ALDH2: variants seen among roughly 807,000 people sequenced by gnomAD.
ALDH2 encodes the protein aldehyde dehydrogenase, mitochondrial.
A neutral mutation model predicts 59.6 loss-of-function variants in ALDH2; 44 were observed. That is an observed-to-expected ratio of 0.74 (90% confidence interval 0.58 to 0.95). ALDH2 has a LOEUF of 0.95. ALDH2 is among the 40% of genes least tolerant of loss of function. The pLI is 0.00. For missense variants in ALDH2, 570 were observed against 696.3 expected (o/e 0.82, Z 2.04); for synonymous variants, 291 against 284.0 (o/e 1.02, Z -0.25).
chr12:111,804,754 AAAAAAAAAGAAAAGAAAAAAG>A (rs1645824806), intron 12 of ALDH2, among the ~76,000 whole-genome samples: 1 of 151,960 alleles, frequency 6.6e-6, no homozygotes, highest in Admixed American at 6.5e-5. Context: ...CTCAAAAAAA[AAAAAAAAAGAAAAGAAAAAAG>A]AATTAGCTAT....
chr12:111,789,714 AG>A, intron 4 of ALDH2, 108 bp from the exon 5 acceptor site: 1 of 916,648 alleles, frequency 1.1e-6, no homozygotes, highest in Non-Finnish European at 1.7e-6. Flanking sequence ...AAGCAAAGAC[AG>A]TTTTCAGAAA....
At position 111,811,286 on chromosome 12, in the gene ALDH2, T is replaced by G. The variant is rs2068533571; in HGVS notation, c.*1711T>G. 1 of 148,914 alleles carries G rather than the reference T, an allele frequency of 6.7e-6. No homozygotes were observed. Among genetic ancestry groups the G allele is most frequent in the Admixed American group, 6.7e-5 (1 of 14,896 alleles). The allele number at this position is 148,914 out of a possible 1,614,324, so 9.2% of individuals were successfully genotyped here. ...ATTGCTTGAACCTGGGAGGCAGAGG[T>G]TGCAGTGAGCCAAGATTGCTCCATT... On this transcript the variant is annotated 3_prime_UTR_variant, in exon 13 of 13. Coordinates refer to ENST00000261733, the MANE Select transcript of ALDH2 (RefSeq NM_000690.4).
intron 12 of ALDH2, 152 bp from the exon 13 acceptor site, chr12:111,809,391 C>A: frequency 1.3e-6 from 1 of 751,958 alleles, no homozygotes; most frequent in Non-Finnish European, 2.2e-6. Flanking sequence ...GAGGTCAAGG[C>A]AGTAGTGAGC....
At chr12:111,795,374 C>G (rs1223321295) in intron 9 of ALDH2, among the ~76,000 whole-genome samples, 1 of 152,040 alleles carries the variant, frequency 6.6e-6, no homozygotes, top group Non-Finnish European at 1.5e-5. Context: ...CCTCCACCTC[C>G]TAGGTTCAAA....
intron 1 of ALDH2, among the ~76,000 whole-genome samples, chr12:111,767,305 C>G (rs1300750544): frequency 1.3e-5 from 2 of 152,158 alleles, no homozygotes; most frequent in Non-Finnish European, 2.9e-5. Context: ...CCCATTTCCC[C>G]GTGACTTGGG....
intron 12 of ALDH2, among the ~76,000 whole-genome samples, chr12:111,805,838 G>C (rs1345274680): frequency 3.4e-5 from 5 of 146,748 alleles, no homozygotes; most frequent in African/African-American, 7.6e-5. Flanking sequence ...TCCTGGCCAA[G>C]ATAGTGAAAC....
At chr12:111,808,890 C>T (rs958471580) in intron 12 of ALDH2, among the ~76,000 whole-genome samples, 3 of 151,838 alleles carry the variant, frequency 2.0e-5, no homozygotes, top group Non-Finnish European at 4.4e-5. Context: ...GTAGGATTGG[C>T]GACTCTGGAT....
In ALDH2 at chr12:111,816,416, A is replaced by G. The variant is rs377130452; in HGVS notation, c.*6841A>G. On this transcript the variant is annotated 3_prime_UTR_variant, in exon 13 of 13. Coordinates refer to ENST00000261733, the MANE Select transcript of ALDH2 (RefSeq NM_000690.4). Reference sequence around the variant, plus strand: ...TTGAACAGTAGGCTCTAGATGTCTCAGTAGATAACCTCAAAGAGCATGGCG... The same window carrying G: ...TTGAACAGTAGGCTCTAGATGTCTCGGTAGATAACCTCAAAGAGCATGGCG... 106 of 152,298 alleles carry G rather than the reference A, an allele frequency of 7.0e-4. No individual in the cohort carries two copies. The highest frequency in any genetic ancestry group is 2.5e-3 in the African/African-American group (103 of 41,560). The allele number at this position is 152,298 out of a possible 1,614,324, so 9.4% of individuals were successfully genotyped here.
chr12:111,786,527 C>T (rs147915948), intron 4 of ALDH2, among the ~76,000 whole-genome samples: 15 of 149,920 alleles, frequency 1.0e-4, no homozygotes, highest in South Asian at 4.2e-4. Context: ...TGAGCCACCA[C>T]GCCTGGCGAT....
At chr12:111,796,108 A>AAG (rs1016003510) in intron 9 of ALDH2, among the ~76,000 whole-genome samples, 16 of 151,588 alleles carry the variant, frequency 1.1e-4, no homozygotes, top group African/African-American at 3.9e-4. Context: ...TAAAAAAAAA[A>AAG]AAATGCAAAT....
intron 1 of ALDH2, among the ~76,000 whole-genome samples, chr12:111,771,228 T>C (rs1038832051): frequency 3.9e-5 from 6 of 151,944 alleles, no homozygotes; most frequent in Non-Finnish European, 8.8e-5. Context: ...AAACTCCATC[T>C]CTACAAAAGC....
In ALDH2 at chr12:111,767,007, G is replaced by C. The variant is rs1311306580; in HGVS notation, c.25G>C (p.Gly9Arg). 7.9e-6 allele frequency: 12 copies of C among 1,522,308 alleles called. No homozygotes were observed. Among genetic ancestry groups the C allele is most frequent in the Non-Finnish European group, 1.1e-5 (12 of 1,141,350 alleles). 94.3% of individuals were successfully genotyped at this position (1,522,308 alleles called of 1,614,324 possible). MLRAAARF[G>R]PRLGRRLLSA... ...GATGTTGCGCGCTGCCGCCCGCTTC[G>C]GGCCCCGCCTGGGCCGCCGCCTCTT... Residue 9 changes from glycine to arginine, a missense_variant, in exon 1 of 13, where the codon GGG becomes CGG. Coordinates refer to ENST00000261733, the MANE Select transcript of ALDH2 (RefSeq NM_000690.4).
intron 4 of ALDH2, among the ~76,000 whole-genome samples, chr12:111,789,570 G>C (rs1375232460): frequency 6.6e-6 from 1 of 152,056 alleles, no homozygotes; most frequent in Non-Finnish European, 1.5e-5. Context: ...GTGGGATTGA[G>C]TAGATTGGAA....
intron 2 of ALDH2, 92 bp from the exon 3 acceptor site, chr12:111,783,066 A>G (rs975798695): frequency 2.0e-6 from 3 of 1,505,576 alleles, no homozygotes; most frequent in East Asian, 4.6e-5. Flanking sequence ...CGATATGCTG[A>G]TGACCTTCTG....
At chr12:111,780,595 C>T (rs1251141007) in intron 1 of ALDH2, among the ~76,000 whole-genome samples, 3 of 152,172 alleles carry the variant, frequency 2.0e-5, no homozygotes, top group Non-Finnish European at 4.4e-5. Context: ...CCTGCCCCTA[C>T]CACCACGGCT....
chr12:111,800,108 C>T, intron 11 of ALDH2, 45 bp downstream of exon 11: 2 of 1,559,142 alleles, frequency 1.3e-6, no homozygotes, highest in South Asian at 1.2e-5. Context: ...AGAGATTCCT[C>T]AAAGCCAGGG....
intron 11 of ALDH2, among the ~76,000 whole-genome samples, chr12:111,803,586 T>G (rs891671346): frequency 7.9e-5 from 12 of 151,624 alleles, no homozygotes; most frequent in African/African-American, 2.4e-4. Context: ...AAAAAAAAAT[T>G]TATTGCCAGG....
At chr12:111,787,931 C>G (rs1307638384) in intron 4 of ALDH2, among the ~76,000 whole-genome samples, 2 of 151,988 alleles carry the variant, frequency 1.3e-5, no homozygotes, top group African/African-American at 4.8e-5. Flanking sequence ...CCCAGCTACT[C>G]AGGAGGCTGA....
chr12:111,771,165 G>A (rs888129630), intron 1 of ALDH2, among the ~76,000 whole-genome samples: 7 of 152,064 alleles, frequency 4.6e-5, no homozygotes, highest in Admixed American at 2.0e-4. Flanking sequence ...AGAGGCTAAG[G>A]TGGGAAGATT....
Sources: gnomAD v4.1 joint callset for allele counts (sites outside exome capture counted in the v4.1 genomes callset) on GRCh38, gnomAD v4.1.1 for gene constraint, MANE v1.5 for transcripts, NCBI Gene and HGNC (gene_info 2026-07-23, HGNC 2026-07-21) for gene names.